The following CDC27 variants were observed in gnomAD, a reference collection of about 807,000 sequenced individuals.
CDC27 encodes cell division cycle protein 27 homolog.
A neutral mutation model predicts 109.7 loss-of-function variants in CDC27; 27 were observed. That is an observed-to-expected ratio of 0.25 (90% CI 0.18 to 0.34). The LOEUF is 0.34. CDC27 is among the 10% of genes least tolerant of loss of function. CDC27 has a pLI of 1.00. For synonymous variants in CDC27, 266 were observed against 333.9 expected (o/e 0.80, Z 2.22); for missense variants, 579 against 960.2 (o/e 0.60, Z 5.25).
chr17:47,171,399 T>C (rs1216551405), intron 3 of CDC27, among the ~76,000 whole-genome samples: 2 of 152,252 alleles, frequency 1.3e-5, no homozygotes, highest in South Asian at 2.1e-4. Flanking sequence ...TAGTCCCTTT[T>C]ACCATTATTC....
Position 47,148,626 on chromosome 17 carries a change from C to T in CDC27, c.1070+3180G>A, listed in dbSNP as rs550105167. ...AAGCTACACTAGAGCACATCATAAT[C>T]GAATTGCTTAAAATCAGCAATTAAA... On this transcript the variant is annotated intron_variant, in intron 9 of 18. Coordinates refer to ENST00000066544, the MANE Select transcript of CDC27 (RefSeq NM_001256.6). 2.6e-3 allele frequency among the ~76,000 whole-genome samples: 400 copies of T among 152,172 alleles called. 4 individuals carry two copies. Among genetic ancestry groups the T allele is most frequent in the African/African-American group, 7.4e-3 (306 of 41,498 alleles).
intron 3 of CDC27, chr17:47,170,424 C>T (rs1378571783): frequency 6.5e-6 from 1 of 153,160 alleles, no homozygotes; most frequent in African/African-American, 2.4e-5. Flanking sequence ...TTTCAAACTC[C>T]TGGGCTCATG....
At position 47,118,273 on chromosome 17, in the gene CDC27, G is replaced by C. The variant is rs983098488; in HGVS notation, c.*2662C>G. 1 of 152,204 alleles carries C rather than the reference G, an allele frequency of 6.6e-6. No homozygotes were observed. The highest frequency in any genetic ancestry group is 2.4e-5 in the African/African-American group (1 of 41,398). 9.4% of individuals were successfully genotyped at this position (152,204 alleles called of 1,614,324 possible). A position where few individuals can be genotyped will look rare whatever the true frequency, so the allele number is the denominator to read the frequency against. On this transcript the variant is annotated 3_prime_UTR_variant, in exon 19 of 19. Transcript: ENST00000066544. The stretch of plus-strand genomic sequence containing the variant: ...AGTTTTTGTTTAAGGTACAACAGCA[G>C]CATGGTTCAAATGTTACTTGTAGTT...
At chr17:47,123,402 C>CTTTTTT (rs57868315) in intron 17 of CDC27, among the ~76,000 whole-genome samples, 12 of 123,002 alleles carry the variant, frequency 9.8e-5, no homozygotes, top group East Asian at 2.3e-4. Flanking sequence ...TTTTTTTCTA[C>CTTTTTT]TTTTTTTTTT....
chr17:47,167,399 C>G (rs2063682682), intron 4 of CDC27, among the ~76,000 whole-genome samples: 1 of 152,170 alleles, frequency 6.6e-6, no homozygotes, highest in African/African-American at 2.4e-5. Flanking sequence ...TTGTACATCA[C>G]TCCTCTCAAA....
intron 1 of CDC27, among the ~76,000 whole-genome samples, chr17:47,188,048 G>A (rs1051687311): frequency 6.6e-6 from 1 of 152,228 alleles, no homozygotes; most frequent in Non-Finnish European, 1.5e-5. Context: ...ATTTCATGCT[G>A]TTTAGAAAAA....
chr17:47,142,733 T>A (rs1259427661), intron 10 of CDC27, among the ~76,000 whole-genome samples: 2 of 152,206 alleles, frequency 1.3e-5, no homozygotes, highest in African/African-American at 2.4e-5. Context: ...AATAAGTAGA[T>A]GTAATTCTCA....
intron 4 of CDC27, among the ~76,000 whole-genome samples, chr17:47,164,796 G>C (rs901886901): frequency 6.6e-6 from 1 of 152,052 alleles, no homozygotes; most frequent in African/African-American, 2.4e-5. Context: ...CAGCCTGAGC[G>C]ACAGAGCGCA....
rs1408250167 is a variant in CDC27, at chr17:47,137,298, G to T, written c.1767C>A (p.Phe589Leu). The T allele has an allele frequency of 1.2e-6, 2 of 1,611,874 alleles. No individual in the cohort carries two copies. The highest frequency in any genetic ancestry group is 1.7e-6 in the Non-Finnish European group (2 of 1,179,148). The change falls in exon 14 of 19, where the codon TTC becomes TTA. Residue 589 changes from phenylalanine (F) to leucine (L), a missense_variant. Around this residue, in one of 9 missense-constraint regions of CDC27, gnomAD observed 227 missense variants for 363.6 expected, o/e 0.62. Transcript: ENST00000066544. ...LQREHDIAIK[F>L]FQRAIQVDPN... ...GATCAACTTGGATAGCTCTCTGGAA[G>T]AATTTAATTGCAATATCATGTTCCC...
At position 47,170,002 on chromosome 17, in the gene CDC27, T is replaced by A; in HGVS notation, c.292A>T (p.Asn98Tyr). 1 of 1,586,922 alleles carries A rather than the reference T, an allele frequency of 6.3e-7. No homozygotes were observed. The highest frequency in any genetic ancestry group is 8.6e-7 in the Non-Finnish European group (1 of 1,167,434). Reference protein sequence around the residue: ...GEQILSGGVFNKQKSHDDIVT... With the variant: ...GEQILSGGVFYKQKSHDDIVT... ...ATATCATCATGGCTTTTCTGCTTAT[T>A]AAACACTCCACCAGATAAGATTTGT... The change falls in exon 4 of 19, where the codon AAT becomes TAT. Residue 98 changes from asparagine to tyrosine, a missense_variant. This residue lies in a region of CDC27 where 52 missense variants were observed against 63.4 expected (regional missense o/e 0.82). Transcript: ENST00000066544.
chr17:47,166,314 T>C (rs973611944), intron 4 of CDC27, among the ~76,000 whole-genome samples: 1 of 152,224 alleles, frequency 6.6e-6, no homozygotes, highest in South Asian at 2.1e-4. Context: ...TTCAGATTTC[T>C]ATTTCTTAGG....
intron 2 of CDC27, among the ~76,000 whole-genome samples, chr17:47,180,841 G>A (rs767298623): frequency 4.0e-5 from 6 of 148,736 alleles, no homozygotes; most frequent in African/African-American, 1.0e-4. Flanking sequence ...AAAGTAACTC[G>A]TCCAAGGTTA....
chr17:47,189,075 G>A, intron 1 of CDC27, 71 bp downstream of exon 1: 1 of 1,551,056 alleles, frequency 6.4e-7, no homozygotes, highest in Non-Finnish European at 8.9e-7. Context: ...ACCAGGCCGC[G>A]GAGTGGCCCT....
chr17:47,124,349 T>C (rs1349453514), intron 16 of CDC27, among the ~76,000 whole-genome samples: 1 of 152,152 alleles, frequency 6.6e-6, no homozygotes, highest in Non-Finnish European at 1.5e-5. Flanking sequence ...AGTGGCGCCA[T>C]CTCTGCTCTC....
At position 47,120,542 on chromosome 17, in the gene CDC27, C is replaced by A; in HGVS notation, c.*393G>T. On this transcript the variant is annotated 3_prime_UTR_variant, in exon 19 of 19. Coordinates refer to ENST00000066544, the MANE Select transcript of CDC27 (RefSeq NM_001256.6). ...TTACTCTGTTTATCAGGAACAGAACCAAATAAAAACAAATTTTTGAAAAAG... is the reference window on the plus strand; with the variant it reads ...TTACTCTGTTTATCAGGAACAGAACAAAATAAAAACAAATTTTTGAAAAAG... 1 of 159,954 alleles carries A rather than the reference C, an allele frequency of 6.3e-6. No homozygotes were observed. Among genetic ancestry groups the A allele is most frequent in the South Asian group, 1.9e-4 (1 of 5,326 alleles). The allele number at this position is 159,954 out of a possible 1,614,324, so 9.9% of individuals were successfully genotyped here.
At chr17:47,175,683 G>GTGCA (rs1049271908) in intron 2 of CDC27, among the ~76,000 whole-genome samples, 10 of 152,306 alleles carry the variant, frequency 6.6e-5, no homozygotes, top group African/African-American at 2.4e-4. Context: ...AGGCATAGTG[G>GTGCA]TGCATGTCTG....
chr17:47,157,436 T>G (rs1272780696), intron 5 of CDC27, 52 bp from the exon 6 acceptor site: 1 of 1,442,120 alleles, frequency 6.9e-7, no homozygotes, highest in East Asian at 2.3e-5. Context: ...GAGGAATACA[T>G]GTTTTTCAAG....
At chr17:47,132,775 T>C (rs952189561) in intron 14 of CDC27, among the ~76,000 whole-genome samples, 1 of 130,752 alleles carries the variant, frequency 7.6e-6, no homozygotes, top group Non-Finnish European at 1.6e-5. Flanking sequence ...ATTATTATTA[T>C]TATTATATTT....
intron 7 of CDC27, among the ~76,000 whole-genome samples, chr17:47,155,863 G>C (rs1046718847): frequency 2.0e-5 from 3 of 152,094 alleles, no homozygotes; most frequent in Non-Finnish European, 4.4e-5. Flanking sequence ...TGAGGTGGGA[G>C]GATCGCTTGA....
Sources: gnomAD v4.1 joint callset for allele counts (sites outside exome capture counted in the v4.1 genomes callset) on GRCh38, gnomAD v4.1.1 for gene constraint, gnomAD v4.1.1 regional missense constraint, MANE v1.5 for transcripts, NCBI Gene and HGNC (gene_info 2026-07-23, HGNC 2026-07-21) for gene names.